MDN1: variants seen among roughly 807,000 people sequenced by gnomAD.
MDN1 encodes the protein midasin AAA ATPase 1.
Under a neutral mutation model 669.2 loss-of-function variants are expected in MDN1, and 266 were observed. The ratio of observed to expected loss-of-function variants is 0.40; its 90% CI spans 0.36 to 0.44. The LOEUF (loss-of-function observed/expected upper bound fraction) is 0.44. Ranked by LOEUF, MDN1 falls within the 20% of genes least tolerant of loss-of-function variation. The pLI is 1.00. For synonymous variants in MDN1, 2,385 were observed against 2,457.1 expected (o/e 0.97, Z 0.87); for missense variants, 5,940 against 6,754.0 (o/e 0.88, Z 4.22).
chr6:89,751,030 C>T (rs1323663420), intron 23 of MDN1, among the ~76,000 whole-genome samples: 1 of 150,334 alleles, frequency 6.7e-6, no homozygotes, highest in Non-Finnish European at 1.5e-5. Context: ...AGCAGAAGAA[C>T]ATTTTTATTC....
rs148570005 is a variant in MDN1 at position 89,762,427 on chromosome 6, C to A, written c.2248G>T (p.Gly750Trp). ...TGTCTGTAACAGGTCTGAATGTGCC[C>A]CAAGAACGTAAAGTTTTGTTTCTTG... The part of the protein sequence containing the change: ...FSKKQNFTFL[G>W]HIQTCYRQKR... Residue 750 changes from glycine to tryptophan, a missense_variant, in exon 16 of 102, where the codon GGG (glycine) becomes TGG (tryptophan). Gly to Trp is a radical substitution (Grantham distance 184). Around this residue, in one of 5 missense-constraint regions of MDN1, gnomAD observed 1,203 missense variants for 1,268.9 expected, o/e 0.95. Transcript: ENST00000369393. 3.7e-6 allele frequency: 6 copies of A among 1,614,026 alleles called. No homozygotes were observed. The highest frequency in any genetic ancestry group is 5.1e-6 in the Non-Finnish European group (6 of 1,179,974).
intron 5 of MDN1, among the ~76,000 whole-genome samples, chr6:89,792,076 G>C (rs1031815504): frequency 6.6e-6 from 1 of 151,774 alleles, no homozygotes; most frequent in African/African-American, 2.4e-5. Context: ...CACCATGTTA[G>C]CCAGGATGGT....
chr6:89,713,126 A>G (rs1417534859), intron 47 of MDN1, 22 bp downstream of exon 47: 13 of 1,599,352 alleles, frequency 8.1e-6, no homozygotes, highest in Non-Finnish European at 1.1e-5. Flanking sequence ...ACTTAGAAAC[A>G]TTCTGCAATA....
chr6:89,703,940 C>G (rs972733465), intron 53 of MDN1, among the ~76,000 whole-genome samples: 4 of 147,326 alleles, frequency 2.7e-5, no homozygotes, highest in African/African-American at 1.0e-4. Context: ...TTGAAACCAG[C>G]AGGCAGAGGT....
In MDN1 at chr6:89,661,996, G is replaced by GA. The variant is rs149988574; in HGVS notation, c.14565+90dup. 471 of 1,463,456 alleles carry GA rather than the reference G, an allele frequency of 3.2e-4. 2 individuals carry two copies. In the African/African-American group the frequency reaches 5.8e-3, roughly 18 times the overall value. The allele number at this position is 1,463,456 out of a possible 1,614,324, so 90.7% of individuals were successfully genotyped here. On this transcript the variant is annotated intron_variant, in intron 87 of 101. Coordinates refer to ENST00000369393, the MANE Select transcript of MDN1 (RefSeq NM_014611.3). Reference sequence around the variant, plus strand: ...ATGGGAGAGCAGTCGACGAACAGGGGAAAAAATATCTTGAGACACCTTGAG... The same window carrying GA: ...ATGGGAGAGCAGTCGACGAACAGGGGAAAAAAATATCTTGAGACACCTTGAG...
chr6:89,752,296 G>A (rs1816997866), intron 22 of MDN1, among the ~76,000 whole-genome samples: 1 of 152,144 alleles, frequency 6.6e-6, no homozygotes, highest in Admixed American at 6.5e-5. Context: ...ATCACACCCT[G>A]AGGCATACAC....
At chr6:89,680,032 T>C (rs532928033) in intron 74 of MDN1, among the ~76,000 whole-genome samples, 4 of 152,030 alleles carry the variant, frequency 2.6e-5, no homozygotes, top group Non-Finnish European at 5.9e-5. Flanking sequence ...CTCACTGCAG[T>C]TGGGGGGTAG....
Position 89,673,388 on chromosome 6 carries a change from G to T in MDN1, c.13322C>A (p.Ser4441Tyr), listed in dbSNP as rs757413792. Residue 4441 changes from serine (S) to tyrosine (Y), a missense_variant, in exon 80 of 102, where the codon TCC (serine) becomes TAC (tyrosine). By Grantham distance (144) the Ser-to-Tyr change is moderately radical. This residue lies in a region of MDN1 where 2,280 missense variants were observed against 2,576.3 expected (regional missense o/e 0.88). Coordinates refer to ENST00000369393, the MANE Select transcript of MDN1 (RefSeq NM_014611.3). ...CTCCATCCCTGGAAGAATGAACAAG[G>T]ACTCTAGGCCCTGCAAATGAACTGA... The part of the protein sequence containing the change: ...QVSVHLQGLE[S>Y]LFILPGMEVE... 1.2e-6 allele frequency: 2 copies of T among 1,614,124 alleles called. No homozygotes were observed. The highest frequency in any genetic ancestry group is 2.2e-5 in the South Asian group (2 of 91,078).
intron 9 of MDN1, among the ~76,000 whole-genome samples, chr6:89,784,169 T>A (rs923800144): frequency 2.0e-5 from 3 of 151,082 alleles, no homozygotes; most frequent in Non-Finnish European, 4.4e-5. Context: ...ACAAAAAAAA[T>A]AGCCAAAAGT....
chr6:89,773,247 A>T (rs1818194585), intron 13 of MDN1, among the ~76,000 whole-genome samples: 1 of 152,178 alleles, frequency 6.6e-6, no homozygotes, highest in Non-Finnish European at 1.5e-5. Context: ...GTGACATAGA[A>T]ATACACACAC....
intron 1 of MDN1, chr6:89,814,886 C>G: frequency 2.0e-6 from 1 of 492,566 alleles, no homozygotes; most frequent in South Asian, 1.5e-5. Flanking sequence ...CTCCTAGAAA[C>G]CCCTAGAAAC....
intron 5 of MDN1, among the ~76,000 whole-genome samples, chr6:89,791,402 C>A (rs937741567): frequency 1.3e-5 from 2 of 151,856 alleles, no homozygotes; most frequent in African/African-American, 2.4e-5. Flanking sequence ...TTAAAGTTTG[C>A]CTCCTTTAGA....
At chr6:89,670,434 T>G (rs1326577623) in intron 83 of MDN1, among the ~76,000 whole-genome samples, 2 of 151,796 alleles carry the variant, frequency 1.3e-5, no homozygotes, top group African/African-American at 4.8e-5. Flanking sequence ...CGCCTCAGCC[T>G]CCCAAACTGC....
chr6:89,748,126 A>G lies in MDN1; in HGVS notation c.3763-656T>C, dbSNP rs528518448. Among the ~76,000 whole-genome samples, 130 of 152,164 alleles carry G rather than the reference A, an allele frequency of 8.5e-4. 1 individual carries two copies. The highest frequency in any genetic ancestry group is 3.0e-3 in the African/African-American group (126 of 41,512). On this transcript the variant is annotated intron_variant, in intron 26 of 101. Coordinates refer to ENST00000369393, the MANE Select transcript of MDN1 (RefSeq NM_014611.3). ...CGGATCACAAGGTCAGGAGATCGAG[A>G]CCATCCTGGTCAATATGGTGAAACC...
intron 74 of MDN1, 79 bp downstream of exon 74, chr6:89,680,510 C>A: frequency 1.3e-6 from 2 of 1,521,090 alleles, no homozygotes; most frequent in East Asian, 4.6e-5. Context: ...AAAAAGGACA[C>A]AGTTGCCACA....
chr6:89,727,079 C>CA (rs575145043), intron 37 of MDN1, among the ~76,000 whole-genome samples: 90 of 151,016 alleles, frequency 6.0e-4, no homozygotes, highest in Non-Finnish European at 1.1e-3. Flanking sequence ...ACATCTTGTT[C>CA]AAAAAAAAAT....
At chr6:89,794,013 C>G in intron 4 of MDN1, 59 bp from the exon 5 acceptor site, 2 of 1,453,790 alleles carry the variant, frequency 1.4e-6, no homozygotes, top group Non-Finnish European at 1.9e-6. Flanking sequence ...ATCGCAAGAC[C>G]TGCAGTCACC....
rs745684619 is a variant in MDN1, at chr6:89,762,487, C to G, written c.2188G>C (p.Glu730Gln). ...DHKLIWLPLREAFEELFAQTF... is the reference protein window; with the variant it reads ...DHKLIWLPLRQAFEELFAQTF... Reference sequence around the variant, plus strand: ...TGAGCAAAGAGTTCCTCAAATGCCTCCCGTAAGGGTAGCCAAATAAGCTTA... The same window carrying G: ...TGAGCAAAGAGTTCCTCAAATGCCTGCCGTAAGGGTAGCCAAATAAGCTTA... Residue 730 changes from glutamate to glutamine, a missense_variant, in exon 16 of 102, where the codon GAG becomes CAG. Glu to Gln is a conservative substitution (Grantham distance 29). Transcript: ENST00000369393. 6.2e-7 allele frequency: 1 copy of G among 1,614,048 alleles called. No homozygotes were observed. The highest frequency in any genetic ancestry group is 1.1e-5 in the South Asian group (1 of 91,066).
Position 89,689,964 on chromosome 6 carries a change from A to C in MDN1, c.10929T>G (p.Thr3643=). The C allele has an allele frequency of 6.2e-7, 1 of 1,614,230 alleles. No homozygotes were observed. Among genetic ancestry groups the C allele is most frequent in the Non-Finnish European group, 8.5e-7 (1 of 1,180,036 alleles). Residue 3643 remains threonine (T), a synonymous_variant, in exon 65 of 102, where the codon ACT becomes ACG. Transcript: ENST00000369393. Reference sequence around the variant, plus strand: ...AATGCTTTGCTTCATGTGGCGGCAGAGTCTGTTGATACCAGAGGGATCGAG... The same window carrying C: ...AATGCTTTGCTTCATGTGGCGGCAGCGTCTGTTGATACCAGAGGGATCGAG... ...NFARSLWYQQ[T]LPPHEAKHYL... is the part of the protein sequence containing the mutation.
Sources: gnomAD v4.1 joint callset for allele counts (sites outside exome capture counted in the v4.1 genomes callset) on GRCh38, gnomAD v4.1.1 for gene constraint, gnomAD v4.1.1 regional missense constraint, MANE v1.5 for transcripts, NCBI Gene and HGNC (gene_info 2026-07-23, HGNC 2026-07-21) for gene names.